LPAR1: variants seen among roughly 807,000 people sequenced by gnomAD.
LPAR1 encodes LPA receptor 1.
LPAR1 carries 5 observed loss-of-function variants against 23.8 expected under a neutral mutation model. That is an observed-to-expected ratio of 0.21 (90% CI 0.11 to 0.44). The LOEUF is 0.44. LPAR1 is among the 20% of genes least tolerant of loss of function. The probability of loss-of-function intolerance (pLI) is 0.99; values close to 1 mark genes in which losing one functional copy is unlikely to be tolerated. For synonymous variants in LPAR1, 160 were observed against 164.7 expected, an observed-to-expected ratio of 0.97 and a Z score of 0.22; for missense variants, 311 against 482.8, an observed-to-expected ratio of 0.64 and a Z score of 3.33.
chr9:110,893,932 G>C (rs936787637), intron 5 of LPAR1, among the ~76,000 whole-genome samples: 2 of 152,120 alleles, frequency 1.3e-5, no homozygotes, highest in Non-Finnish European at 2.9e-5. Flanking sequence ...CTTTGATAAT[G>C]ATATTGATGT....
intron 2 of LPAR1, among the ~76,000 whole-genome samples, chr9:110,994,932 G>C (rs1395923016): frequency 6.6e-6 from 1 of 152,198 alleles, no homozygotes; most frequent in East Asian, 1.9e-4. Flanking sequence ...CTAGACCACA[G>C]TCAACAGCGC....
At chr9:111,012,023 A>G (rs2097340199) in intron 2 of LPAR1, among the ~76,000 whole-genome samples, 1 of 152,160 alleles carries the variant, frequency 6.6e-6, no homozygotes, top group African/African-American at 2.4e-5. Flanking sequence ...GCCAAGGCAG[A>G]AAGATCACTT....
intron 2 of LPAR1, among the ~76,000 whole-genome samples, chr9:111,030,000 C>T (rs1374442456): frequency 9.4e-5 from 13 of 138,092 alleles, no homozygotes; most frequent in African/African-American, 2.7e-4. Context: ...GAGCCAAGAT[C>T]GTGCCATTGC....
chr9:110,879,688 A>T (rs999875354), intron 5 of LPAR1, among the ~76,000 whole-genome samples: 1 of 152,226 alleles, frequency 6.6e-6, no homozygotes, highest in African/African-American at 2.4e-5. Context: ...TTCATTTAAG[A>T]CACAACATTG....
At chr9:110,983,117 T>G (rs2096708909) in intron 2 of LPAR1, among the ~76,000 whole-genome samples, 1 of 151,926 alleles carries the variant, frequency 6.6e-6, no homozygotes, top group Non-Finnish European at 1.5e-5. Context: ...CTCAAAAAAA[T>G]TAAAATAGGA....
intron 5 of LPAR1, among the ~76,000 whole-genome samples, chr9:110,900,331 C>T (rs2088322924): frequency 6.6e-6 from 1 of 152,152 alleles, no homozygotes; most frequent in Admixed American, 6.5e-5. Flanking sequence ...ATCTCAAGGC[C>T]TTTAACTTAG....
intron 1 of LPAR1, among the ~76,000 whole-genome samples, chr9:111,037,017 G>A (rs971984925): frequency 1.2e-4 from 18 of 151,998 alleles, no homozygotes; most frequent in African/African-American, 4.4e-4. Flanking sequence ...TCTTCTATCC[G>A]GCAAGGGAAT....
intron 5 of LPAR1, among the ~76,000 whole-genome samples, chr9:110,905,865 G>A (rs894100460): frequency 4.6e-5 from 7 of 152,130 alleles, no homozygotes; most frequent in African/African-American, 1.2e-4. Context: ...TGCTGGCTGC[G>A]TGTCCTGGCT....
At chr9:110,983,527 G>C (rs1192831733) in intron 2 of LPAR1, among the ~76,000 whole-genome samples, 1 of 152,004 alleles carries the variant, frequency 6.6e-6, no homozygotes, top group South Asian at 2.1e-4. Flanking sequence ...TGTGTAATGG[G>C]TACGGGGTTT....
intron 5 of LPAR1, among the ~76,000 whole-genome samples, chr9:110,930,819 G>A (rs961078241): frequency 6.6e-6 from 1 of 152,068 alleles, no homozygotes; most frequent in African/African-American, 2.4e-5. Context: ...GGAGGCTGAG[G>A]CAGGAGAATT....
rs2096871826 is a variant in LPAR1, at chr9:110,990,395, C to A, written c.-181-16837G>T. Among the ~76,000 whole-genome samples, 6 of 152,126 alleles carry A rather than the reference C, an allele frequency of 3.9e-5. 1 individual carries two copies. The South Asian group carries it at 1.0e-3, about 26-fold the overall frequency. Reference sequence around the variant, plus strand: ...TAAAAGAATTTGAGTCATAAAAAGTCTGTTCTCTGACCACACTTAAATTAT... The same window carrying A: ...TAAAAGAATTTGAGTCATAAAAAGTATGTTCTCTGACCACACTTAAATTAT... On this transcript the variant is annotated intron_variant, in intron 2 of 5. Coordinates refer to ENST00000683809, the MANE Select transcript of LPAR1 (RefSeq NM_001351411.2).
chr9:111,028,877 C>T (rs977705297), intron 2 of LPAR1, among the ~76,000 whole-genome samples: 7 of 151,996 alleles, frequency 4.6e-5, no homozygotes, highest in East Asian at 3.9e-4. Flanking sequence ...TTCCCCCAGA[C>T]GTCAAATCAC....
chr9:111,016,142 T>G (rs970360898), intron 2 of LPAR1, among the ~76,000 whole-genome samples: 1 of 152,142 alleles, frequency 6.6e-6, no homozygotes, highest in African/African-American at 2.4e-5. Context: ...AGTCACAGCC[T>G]TTCAATGAAG....
At chr9:110,930,921 CA>C (rs745445285) in intron 5 of LPAR1, among the ~76,000 whole-genome samples, 4 of 149,906 alleles carry the variant, frequency 2.7e-5, no homozygotes, top group East Asian at 3.9e-4. Context: ...GTCACAAAAA[CA>C]AAAAAAAAGG....
chr9:110,979,119 T>C (rs575618796), intron 2 of LPAR1, among the ~76,000 whole-genome samples: 82 of 152,276 alleles, frequency 5.4e-4, no homozygotes, highest in Middle Eastern at 3.4e-3. Flanking sequence ...ATGGTGGCTA[T>C]GTGAGGTAAT....
chr9:110,959,239 T>C (rs1365344944), intron 4 of LPAR1, among the ~76,000 whole-genome samples: 4 of 135,584 alleles, frequency 3.0e-5, no homozygotes, highest in Admixed American at 2.3e-4. Flanking sequence ...TGGCTATTTA[T>C]CAGAAAAGAG....
chr9:110,956,893 A>C (rs2095776422), intron 4 of LPAR1, among the ~76,000 whole-genome samples: 1 of 152,218 alleles, frequency 6.6e-6, no homozygotes, highest in African/African-American at 2.4e-5. Flanking sequence ...AAAGGATTCC[A>C]AAATATCAAA....
At chr9:110,954,207 G>C (rs775862802) in intron 4 of LPAR1, among the ~76,000 whole-genome samples, 2 of 152,064 alleles carry the variant, frequency 1.3e-5, no homozygotes, top group African/African-American at 2.4e-5. Flanking sequence ...CAACAGACAA[G>C]ATCAAGGAGA....
intron 5 of LPAR1, among the ~76,000 whole-genome samples, chr9:110,916,074 A>C (rs1354410428): frequency 6.6e-6 from 1 of 152,222 alleles, no homozygotes; most frequent in Non-Finnish European, 1.5e-5. Context: ...CAATTATATA[A>C]TACTACTATA....
Sources: allele counts gnomAD v4.1 joint callset (sites outside exome capture counted in the v4.1 genomes callset), GRCh38; gene constraint gnomAD v4.1.1; transcripts MANE v1.5; gene names NCBI Gene and HGNC (gene_info 2026-07-23, HGNC 2026-07-21).